Variants in CFAP54 observed in about 807,000 individuals in gnomAD.
CFAP54 encodes cilia and flagella associated protein 54.
Under a neutral mutation model 370.4 loss-of-function variants are expected in CFAP54, and 290 were observed. That is an observed-to-expected ratio of 0.78 (90% CI 0.71 to 0.86). CFAP54 has a LOEUF of 0.86. Ranked by LOEUF, CFAP54 falls within the 40% of genes least tolerant of loss-of-function variation. CFAP54 has a pLI of 0.00. For synonymous variants in CFAP54, 1,206 were observed against 1,236.5 expected (o/e 0.98, Z 0.52); for missense variants, 3,399 against 3,528.7 (o/e 0.96, Z 0.93).
intron 22 of CFAP54, among the ~76,000 whole-genome samples, chr12:96,583,534 G>T (rs534909201): frequency 6.6e-6 from 1 of 152,194 alleles, no homozygotes; most frequent in African/African-American, 2.4e-5. Context: ...AAGAACTACT[G>T]TGTACCAGGC....
At position 96,554,267 on chromosome 12, in the gene CFAP54, C is replaced by T. The variant is rs568830105; in HGVS notation, c.2240C>T (p.Ser747Phe). ...GGINLNCMLT[S>F]LPNGSSVIDH... ...ATAAATTTGAATTGCATGTTAACCT[C>T]TTTGCCAAATGGATCATCAGTAATT... Residue 747 changes from serine to phenylalanine, a missense_variant, in exon 16 of 68, where the codon TCT (serine) becomes TTT (phenylalanine). Ser to Phe is a radical substitution (Grantham distance 155). Coordinates refer to ENST00000524981, the MANE Select transcript of CFAP54 (RefSeq NM_001306084.2). 30 of 1,528,590 alleles carry T rather than the reference C, an allele frequency of 2.0e-5. No individual in the cohort carries two copies. The African/African-American group carries it at 3.0e-4, about 15-fold the overall frequency. 94.7% of individuals were successfully genotyped at this position (1,528,590 alleles called of 1,614,324 possible).
chr12:96,827,833 A>G (rs1959137755), intron 65 of CFAP54, among the ~76,000 whole-genome samples: 1 of 113,240 alleles, frequency 8.8e-6, no homozygotes, highest in Non-Finnish European at 1.7e-5. Flanking sequence ...ATATAGTTAT[A>G]TATAATATAT....
intron 17 of CFAP54, among the ~76,000 whole-genome samples, chr12:96,563,526 A>C (rs1212533378): frequency 6.6e-6 from 1 of 152,210 alleles, no homozygotes; most frequent in African/African-American, 2.4e-5. Flanking sequence ...CTTAATTAGC[A>C]TTTATAATAT....
chr12:96,622,787 A>C lies in CFAP54; in HGVS notation c.3772-980A>C, dbSNP rs141787011. Among the ~76,000 whole-genome samples the C allele has an allele frequency of 5.1e-3, 773 of 152,290 alleles. 4 individuals are homozygous for C. The highest frequency in any genetic ancestry group is 0.018 in the African/African-American group (735 of 41,552). On this transcript the variant is annotated intron_variant, in intron 27 of 67. Transcript: ENST00000524981. ...TATCTCTGTGATATCTTGAATTTCC[A>C]AGTAAGCATTTGTTTGCCAAAAAAA...
chr12:96,621,850 A>G (rs1956494400), intron 27 of CFAP54, 129 bp downstream of exon 27: 1 of 185,888 alleles, frequency 5.4e-6, no homozygotes, highest in African/African-American at 2.9e-5. Context: ...TAAGTAAAGT[A>G]TTATAGTAAA....
chr12:96,584,466 AAAC>A (rs1342907526), intron 22 of CFAP54, among the ~76,000 whole-genome samples: 1 of 152,068 alleles, frequency 6.6e-6, no homozygotes, highest in Non-Finnish European at 1.5e-5. Context: ...CCTGTCTTAA[AAAC>A]AACAACAATA....
intron 38 of CFAP54, among the ~76,000 whole-genome samples, chr12:96,660,826 C>G (rs1956986390): frequency 6.6e-6 from 1 of 152,128 alleles, no homozygotes; most frequent in Admixed American, 6.6e-5. Context: ...TTCTGACTGA[C>G]AGGTGACAAA....
chr12:96,610,744 C>T lies in CFAP54; in HGVS notation c.3640-10846C>T, dbSNP rs1440461530. Among the ~76,000 whole-genome samples the T allele has an allele frequency of 4.6e-5, 7 of 152,334 alleles. No individual in the cohort carries two copies. The South Asian group carries it at 8.3e-4, about 18-fold the overall frequency. On this transcript the variant is annotated intron_variant, in intron 26 of 67. Transcript: ENST00000524981. ...AATGGCACACCAGGAGATTATATCC[C>T]GCGCATGGCTCAGAGGGTCCCACGG...
At chr12:96,772,591 AT>A (rs35817553) in intron 60 of CFAP54, among the ~76,000 whole-genome samples, 582 of 137,776 alleles carry the variant, frequency 4.2e-3, no homozygotes, top group East Asian at 9.5e-3. Flanking sequence ...TTGGTGGGCA[AT>A]TTTTTTTTTT....
chr12:96,779,453 A>G (rs747521173), intron 60 of CFAP54, among the ~76,000 whole-genome samples: 43 of 152,166 alleles, frequency 2.8e-4, no homozygotes, highest in Non-Finnish European at 4.4e-5. Flanking sequence ...TAATGCTGCT[A>G]TGAATATATT....
intron 63 of CFAP54, among the ~76,000 whole-genome samples, chr12:96,800,331 G>C (rs927039953): frequency 8.5e-5 from 13 of 152,312 alleles, no homozygotes; most frequent in Admixed American, 3.3e-4. Context: ...GCATGAACTA[G>C]TGTCAAGCAG....
intron 65 of CFAP54, among the ~76,000 whole-genome samples, chr12:96,824,131 C>T (rs911042467): frequency 1.5e-4 from 23 of 152,136 alleles, no homozygotes; most frequent in Non-Finnish European, 2.5e-4. Flanking sequence ...CCCAGCCCCT[C>T]GCTAGCTGCA....
chr12:96,621,245 A>G (rs1373608430), intron 26 of CFAP54, among the ~76,000 whole-genome samples: 1 of 152,250 alleles, frequency 6.6e-6, no homozygotes, highest in Non-Finnish European at 1.5e-5. Flanking sequence ...TGTGGCCTTT[A>G]CAAATGACTT....
intron 64 of CFAP54, among the ~76,000 whole-genome samples, chr12:96,815,278 T>A (rs1309607753): frequency 6.6e-6 from 1 of 152,234 alleles, no homozygotes. Context: ...CTCACTGTGG[T>A]TTTGATTTGC....
chr12:96,680,432 T>C (rs1476886757), intron 40 of CFAP54, among the ~76,000 whole-genome samples: 1 of 152,188 alleles, frequency 6.6e-6, no homozygotes, highest in East Asian at 1.9e-4. Flanking sequence ...TTAAAAATCC[T>C]GTTTTATATT....
At chr12:96,563,914 C>T (rs1384903456) in intron 17 of CFAP54, among the ~76,000 whole-genome samples, 2 of 152,108 alleles carry the variant, frequency 1.3e-5, no homozygotes, top group African/African-American at 4.8e-5. Flanking sequence ...TTTACTGAAC[C>T]ACCATGATGG....
chr12:96,708,944 A>G (rs968243325), intron 48 of CFAP54, 141 bp downstream of exon 48: 1 of 665,926 alleles, frequency 1.5e-6, no homozygotes, highest in Non-Finnish European at 2.5e-6. Flanking sequence ...ACACATATGT[A>G]CTTATGTCTA....
At chr12:96,684,549 C>T (rs187441818) in intron 40 of CFAP54, 99 bp from the exon 41 acceptor site, 5 of 905,640 alleles carry the variant, frequency 5.5e-6, no homozygotes, top group East Asian at 2.5e-5. Flanking sequence ...TTGCAATCTA[C>T]ACAGTTAAGG....
At chr12:96,835,829 A>C (rs899557116) in intron 66 of CFAP54, among the ~76,000 whole-genome samples, 2 of 152,122 alleles carry the variant, frequency 1.3e-5, no homozygotes, top group Admixed American at 6.5e-5. Context: ...CACTAGCTCC[A>C]TGGAGTGTGC....
Sources: allele counts gnomAD v4.1 joint callset (sites outside exome capture counted in the v4.1 genomes callset), GRCh38; gene constraint gnomAD v4.1.1; transcripts MANE v1.5; gene names NCBI Gene and HGNC (gene_info 2026-07-23, HGNC 2026-07-21).